CYRIB: variants seen among roughly 807,000 people sequenced by gnomAD.
The protein encoded by CYRIB is CYFIP related Rac1 interactor B.
A neutral mutation model predicts 44.2 loss-of-function variants in CYRIB; 8 were observed. The ratio of observed to expected loss-of-function variants is 0.18; its 90% CI spans 0.11 to 0.33. The LOEUF is 0.33. Among genes scored for constraint, CYRIB ranks in the 10% least tolerant of loss-of-function variants. CYRIB has a pLI of 1.00. For missense variants in CYRIB, 185 were observed against 382.8 expected (o/e 0.48, Z 4.31); for synonymous variants, 131 against 127.2 (o/e 1.03, Z -0.20).
intron 2 of CYRIB, among the ~76,000 whole-genome samples, chr8:129,885,206 C>T (rs1379386401): frequency 1.3e-5 from 2 of 152,184 alleles, no homozygotes; most frequent in Non-Finnish European, 2.9e-5. Context: ...CCATGACTGG[C>T]TTCTTTCCAT....
At chr8:129,855,796 T>C (rs746375420) in intron 5 of CYRIB, 49 bp from the exon 8 acceptor site, 13 of 1,513,042 alleles carry the variant, frequency 8.6e-6, no homozygotes, top group Non-Finnish European at 1.2e-5. Context: ...ATCTGTGTGA[T>C]ATTTGTTTAT....
At chr8:129,901,224 A>AC (rs2071622534) in intron 2 of CYRIB, among the ~76,000 whole-genome samples, 1 of 151,132 alleles carries the variant, frequency 6.6e-6, no homozygotes, top group South Asian at 2.1e-4. Context: ...TCATTAGGAT[A>AC]CCTTTTTTTT....
chr8:129,988,210 G>C (rs753803994), intron 1 of CYRIB, among the ~76,000 whole-genome samples: 31 of 152,158 alleles, frequency 2.0e-4, no homozygotes, highest in Non-Finnish European at 3.2e-4. Flanking sequence ...CCTCTTTCTC[G>C]ATCTTCAGGG....
At position 129,979,503 on chromosome 8, in the gene CYRIB, G is replaced by A. The variant is rs571890878; in HGVS notation, c.-295-8508C>T. On this transcript the variant is annotated intron_variant, in intron 1 of 14. Coordinates refer to the CYRIB transcript ENST00000401979. ...GGAAACTTCCTCTGGAAGGATAAGT[G>A]AGAACAGCGCCCACAGTGCACCTTT... 1.3e-4 allele frequency among the ~76,000 whole-genome samples: 20 copies of A among 152,298 alleles called. No homozygotes were observed. The South Asian group carries it at 4.1e-3, about 32-fold the overall frequency.
At chr8:129,952,444 C>T (rs531854377) in intron 2 of CYRIB, among the ~76,000 whole-genome samples, 2 of 151,946 alleles carry the variant, frequency 1.3e-5, no homozygotes, top group African/African-American at 4.8e-5. Context: ...TAATAGAATG[C>T]AAAATTGTAT....
chr8:129,921,062 C>T (rs1268027084), intron 1 of CYRIB, among the ~76,000 whole-genome samples: 2 of 152,196 alleles, frequency 1.3e-5, no homozygotes, highest in Non-Finnish European at 2.9e-5. Context: ...TACTGATCAC[C>T]GAAGTGAACA....
chr8:129,913,298 A>G (rs1003580274), intron 1 of CYRIB, among the ~76,000 whole-genome samples: 1 of 152,148 alleles, frequency 6.6e-6, no homozygotes, highest in African/African-American at 2.4e-5. Context: ...ATGCCTACAT[A>G]AGCAGAAGCT....
chr8:129,987,556 CTTTTTTTTTTTCTT>C (rs1290160986), intron 1 of CYRIB, among the ~76,000 whole-genome samples: 78 of 140,842 alleles, frequency 5.5e-4, no homozygotes, highest in African/African-American at 2.0e-3. Flanking sequence ...TTTTTCTTGT[CTTTTTTTTTTTCTT>C]TTTTTTTTTT....
At chr8:129,989,919 T>G (rs2096585414) in intron 1 of CYRIB, among the ~76,000 whole-genome samples, 1 of 151,720 alleles carries the variant, frequency 6.6e-6, no homozygotes, top group South Asian at 2.1e-4. Context: ...CTTGCGATAG[T>G]TTGCTGAGAA....
chr8:129,994,343 G>A (rs1345771123), intron 1 of CYRIB, among the ~76,000 whole-genome samples: 1 of 152,156 alleles, frequency 6.6e-6, no homozygotes, highest in African/African-American at 2.4e-5. Context: ...CCTTCGCCTT[G>A]GACTGCCAGT....
intron 1 of CYRIB, 129 bp downstream of exon 1, chr8:130,016,241 A>G (rs1451496724): frequency 1.4e-5 from 2 of 145,074 alleles, no homozygotes; most frequent in Admixed American, 1.4e-4. Flanking sequence ...CCCGGATGGT[A>G]CCTCCGCCTC....
intron 10 of CYRIB, among the ~76,000 whole-genome samples, chr8:129,847,702 G>T (rs1195158438): frequency 6.6e-6 from 1 of 152,188 alleles, no homozygotes; most frequent in East Asian, 1.9e-4. Flanking sequence ...GATGACGATG[G>T]TATTTAAGAT....
intron 1 of CYRIB, among the ~76,000 whole-genome samples, chr8:130,011,825 T>C (rs1384950955): frequency 1.3e-5 from 2 of 151,252 alleles, no homozygotes; most frequent in African/African-American, 2.4e-5. Context: ...AGAGCGAGAC[T>C]CCATCTCAAA....
intron 2 of CYRIB, among the ~76,000 whole-genome samples, chr8:129,961,725 G>A (rs1038467559): frequency 2.0e-5 from 3 of 152,140 alleles, no homozygotes; most frequent in Admixed American, 6.5e-5. Context: ...AACAAATATT[G>A]ATGAAATCAA....
At position 129,898,028 on chromosome 8, in the gene CYRIB, T is replaced by C. The variant is rs947961248; in HGVS notation, c.-11+5284A>G. Among the ~76,000 whole-genome samples the C allele has an allele frequency of 2.6e-5, 4 of 151,992 alleles. No homozygotes were observed. The East Asian group carries it at 7.7e-4, about 29-fold the overall frequency. On this transcript the variant is annotated intron_variant, in intron 2 of 11. Coordinates refer to ENST00000519824, the Ensembl canonical transcript of CYRIB. ...ATCCACCCGCCTCGGCCTCTCAAGG[T>C]GCTGGAATTACAGGCGTGAGCCACT...
At position 129,981,032 on chromosome 8, in the gene CYRIB, T is replaced by A. The variant is rs138249216; in HGVS notation, c.-295-10037A>T. Among the ~76,000 whole-genome samples, 1,119 of 150,412 alleles carry A rather than the reference T, an allele frequency of 7.4e-3. 20 individuals are homozygous for A. Among genetic ancestry groups the A allele is most frequent in the African/African-American group, 0.026 (1,058 of 40,840 alleles). On this transcript the variant is annotated intron_variant, in intron 1 of 14. Coordinates refer to the CYRIB transcript ENST00000401979. Reference sequence around the variant, plus strand: ...CAAGACAAACAACAAAACAACATAATATGAAGATGGGAAGAAGACAGAGGA... The same window carrying A: ...CAAGACAAACAACAAAACAACATAAAATGAAGATGGGAAGAAGACAGAGGA...
At chr8:129,857,061 A>G (rs2046548691) in intron 5 of CYRIB, among the ~76,000 whole-genome samples, 1 of 152,204 alleles carries the variant, frequency 6.6e-6, no homozygotes, top group East Asian at 1.9e-4. Flanking sequence ...CTTCACAGAC[A>G]TTATTTCTCA....
At chr8:129,943,091 C>CCCCCCCCCA (rs2093849004), upstream of CYRIB, among the ~76,000 whole-genome samples, 1 of 132,544 alleles carries the variant, frequency 7.5e-6, no homozygotes, top group African/African-American at 3.0e-5. Flanking sequence ...CGCCCACCCG[C>CCCCCCCCCA]CCCCCCGCAC....
chr8:129,959,947 A>G (rs574817295), intron 2 of CYRIB, among the ~76,000 whole-genome samples: 2 of 152,336 alleles, frequency 1.3e-5, no homozygotes, highest in South Asian at 2.1e-4. Flanking sequence ...ATCTGAGAAG[A>G]GCCCACAGAC....
Sources: allele counts gnomAD v4.1 joint callset (sites outside exome capture counted in the v4.1 genomes callset), GRCh38; gene constraint gnomAD v4.1.1; transcripts MANE v1.5; gene names NCBI Gene and HGNC (gene_info 2026-07-23, HGNC 2026-07-21).